AP3D1: variants seen among roughly 807,000 people sequenced by gnomAD.
AP3D1 encodes the protein adaptor related protein complex 3 subunit delta 1.
A neutral mutation model predicts 147.6 loss-of-function variants in AP3D1; 51 were observed. The observed-to-expected ratio is 0.35, with a 90% CI of 0.28 to 0.44. AP3D1 has a LOEUF of 0.44. Among genes scored for constraint, AP3D1 ranks in the 20% least tolerant of loss-of-function variants. The pLI is 1.00. For missense variants in AP3D1, 1,421 were observed against 1,624.2 expected (o/e 0.87, Z 2.15); for synonymous variants, 760 against 663.0 (o/e 1.15, Z -2.25).
At chr19:2,125,123 C>A (rs2018717132) in intron 9 of AP3D1, among the ~76,000 whole-genome samples, 1 of 152,038 alleles carries the variant, frequency 6.6e-6, no homozygotes. Context: ...AAATGCCGCC[C>A]AAAAACTACT....
chr19:2,119,421 C>T lies in AP3D1; in HGVS notation c.1482-589G>A, dbSNP rs10411196. Among the ~76,000 whole-genome samples, 1,020 of 151,300 alleles carry T rather than the reference C, an allele frequency of 6.7e-3. 10 individuals are homozygous for T. The highest frequency in any genetic ancestry group is 0.023 in the African/African-American group (958 of 41,232). On this transcript the variant is annotated intron_variant, in intron 14 of 31. Transcript: ENST00000643116. ...AAAATACAGAAAGTGAGGGCGGGCA[C>T]GGTGGCTAACGCCTGTAATCCCAGC...
intron 27 of AP3D1, 56 bp from the exon 28 acceptor site, chr19:2,110,280 G>A: frequency 6.8e-7 from 1 of 1,460,254 alleles, no homozygotes; most frequent in Non-Finnish European, 9.5e-7. Flanking sequence ...CAGCATGGGT[G>A]GGGCCTCCAG....
In AP3D1 at chr19:2,121,746, C is replaced by A. The variant is rs1456526924; in HGVS notation, c.1089G>T (p.Leu363=). ...DESIRLRALD[L]LYGMVSKKNL... ...AGAGGGCACGCACCATCCCATAGAG[C>A]AGGTCCAGGGCCCGCAGCCGGATGG... Residue 363 remains leucine, a synonymous_variant, in exon 12 of 32, where the codon CTG becomes CTT. Transcript: ENST00000643116. The A allele has an allele frequency of 6.2e-7, 1 of 1,603,400 alleles. No individual in the cohort carries two copies.
chr19:2,119,223 G>A (rs2018542805), intron 14 of AP3D1, among the ~76,000 whole-genome samples: 1 of 152,192 alleles, frequency 6.6e-6, no homozygotes, highest in Non-Finnish European at 1.5e-5. Flanking sequence ...CAATGCCTTG[G>A]GACTTGAATA....
upstream of AP3D1, among the ~76,000 whole-genome samples, chr19:2,156,550 G>A (rs74404939): frequency 0.021 from 2,959 of 140,386 alleles, 40 homozygotes; most frequent in Middle Eastern, 0.045. Flanking sequence ...AATCAACAAC[G>A]TTTATTGAAA....
chr19:2,130,143 G>A (rs2018896564), intron 6 of AP3D1, among the ~76,000 whole-genome samples: 1 of 152,164 alleles, frequency 6.6e-6, no homozygotes, highest in Admixed American at 6.5e-5. Context: ...GTCCTAAGAG[G>A]GGCTGGCGGG....
chr19:2,114,530 C>T (rs1346647716), intron 21 of AP3D1, among the ~76,000 whole-genome samples: 3 of 152,148 alleles, frequency 2.0e-5, no homozygotes, highest in Non-Finnish European at 2.9e-5. Flanking sequence ...CTCCCGAGCA[C>T]CCCAGGCCTG....
In AP3D1 at chr19:2,113,338, TG is replaced by T; in HGVS notation, c.2676del (p.Thr893ArgfsTer6). Reference sequence around the variant, plus strand: ...CTGGCCAGCTGCCAGTCTCTTACCGTGGATGGAACGGGGGCGGGGGCGGGGG... The same window carrying T: ...CTGGCCAGCTGCCAGTCTCTTACCGTGATGGAACGGGGGCGGGGGCGGGGG... ...APAPAPAPVP[S>X]TGELSVNTVT... is the part of the protein sequence containing the mutation. On this transcript the variant is annotated frameshift_variant, in exon 23 of 32. Transcript: ENST00000643116. LOFTEE classifies it high-confidence loss of function. 1.4e-6 allele frequency: 1 copy of T among 706,944 alleles called. No individual in the cohort carries two copies. The allele number at this position is 706,944 out of a possible 1,614,324, so 43.8% of individuals were successfully genotyped here.
chr19:2,108,595 A>G, intron 31 of AP3D1, 92 bp downstream of exon 31: 1 of 1,225,640 alleles, frequency 8.2e-7, no homozygotes, highest in East Asian at 2.6e-5. Context: ...GAGCCCTCTA[A>G]GTCCCAAAGC....
At chr19:2,124,085 G>GC (rs1269562141) in intron 9 of AP3D1, among the ~76,000 whole-genome samples, 1 of 152,228 alleles carries the variant, frequency 6.6e-6, no homozygotes, top group Non-Finnish European at 1.5e-5. Context: ...ACCTGCAGGG[G>GC]CCCCCACCCT....
In AP3D1 at chr19:2,121,405, G is replaced by A. The variant is rs78997166; in HGVS notation, c.1102-94C>T. On this transcript the variant is annotated intron_variant, in intron 12 of 31. Transcript: ENST00000643116. ...CACCTGCTCCTGAGACAGAATCCAC[G>A]GGACACAGGCGGACCCGGATTCACA... The A allele has an allele frequency of 3.2e-5, 47 of 1,466,472 alleles. No homozygotes were observed. The East Asian group carries it at 3.4e-4, about 11-fold the overall frequency. The allele number at this position is 1,466,472 out of a possible 1,614,324, so 90.8% of individuals were successfully genotyped here.
intron 29 of AP3D1, chr19:2,109,577 G>C (rs1489297641): frequency 6.0e-6 from 3 of 503,098 alleles, no homozygotes; most frequent in African/African-American, 5.7e-5. Flanking sequence ...CCGTGCCGAG[G>C]AGAGGCTTCA....
At chr19:2,140,663 G>A (rs192984349) in intron 1 of AP3D1, among the ~76,000 whole-genome samples, 12 of 151,970 alleles carry the variant, frequency 7.9e-5, no homozygotes, top group African/African-American at 1.9e-4. Context: ...CTAGGAACTC[G>A]GCAGTGGGTC....
In AP3D1 at chr19:2,149,745, C is replaced by T. The variant is rs552505758; in HGVS notation, c.96+1494G>A. Among the ~76,000 whole-genome samples the T allele has an allele frequency of 7.9e-5, 12 of 152,260 alleles. No homozygotes were observed. In the South Asian group the frequency reaches 1.9e-3, roughly 24 times the overall value. Reference sequence around the variant, plus strand: ...CCACTGGACAGACCCCCTGGCCCATCGTCAGGGTCCCAGAACAGGCTGCTC... The same window carrying T: ...CCACTGGACAGACCCCCTGGCCCATTGTCAGGGTCCCAGAACAGGCTGCTC... On this transcript the variant is annotated intron_variant, in intron 1 of 31. Transcript: ENST00000643116.
chr19:2,120,885 G>T lies in AP3D1; in HGVS notation c.1458C>A (p.Ala486=). The T allele has an allele frequency of 6.2e-7, 1 of 1,610,076 alleles. No individual in the cohort carries two copies. Residue 486 remains alanine (A), a synonymous_variant, in exon 14 of 32, where the codon GCC becomes GCA. Coordinates refer to ENST00000643116, the MANE Select transcript of AP3D1 (RefSeq NM_001261826.3). ...ACTCTGAGAACTCCCCGCAGATCCAGGCGGCAGCGTACAGCACCTCACAGA... is the reference window on the plus strand; with the variant it reads ...ACTCTGAGAACTCCCCGCAGATCCATGCGGCAGCGTACAGCACCTCACAGA... ...NGICEVLYAA[A]WICGEFSEHL...
At chr19:2,159,813 G>A (rs2019681296) in intron 1 of AP3D1, among the ~76,000 whole-genome samples, 1 of 151,318 alleles carries the variant, frequency 6.6e-6, no homozygotes, top group African/African-American at 2.4e-5. Flanking sequence ...CCATTCTCTT[G>A]CCTCAGCCTC....
chr19:2,123,420 A>C lies in AP3D1; in HGVS notation c.907-14T>G. 1 of 1,613,868 alleles carries C rather than the reference A, an allele frequency of 6.2e-7. No homozygotes were observed. Among genetic ancestry groups the C allele is most frequent in the Non-Finnish European group, 8.5e-7 (1 of 1,179,920 alleles). On this transcript the variant is annotated splice_polypyrimidine_tract_variant and intron_variant, in intron 10 of 31. Transcript: ENST00000643116. The stretch of plus-strand genomic sequence containing the variant: ...CTGAACACAAAGCTGAAAAGAAGAA[A>C]AAAACGATGCTGGTTACATCCTCTA...
intron 1 of AP3D1, among the ~76,000 whole-genome samples, chr19:2,150,293 T>A: frequency 6.6e-6 from 1 of 152,156 alleles, no homozygotes; most frequent in East Asian, 1.9e-4. Flanking sequence ...AGGCAGGCAG[T>A]CGCTCAAGTA....
At chr19:2,149,305 G>A (rs1568310364) in intron 1 of AP3D1, among the ~76,000 whole-genome samples, 1 of 152,164 alleles carries the variant, frequency 6.6e-6, no homozygotes, top group Non-Finnish European at 1.5e-5. Context: ...TAACACTCTG[G>A]GAGGCTAAGG....
Sources: allele counts gnomAD v4.1 joint callset (sites outside exome capture counted in the v4.1 genomes callset), GRCh38; gene constraint gnomAD v4.1.1; transcripts MANE v1.5; gene names NCBI Gene and HGNC (gene_info 2026-07-23, HGNC 2026-07-21).